CYP2E1: variants seen among roughly 807,000 people sequenced by gnomAD.
CYP2E1 encodes the protein cytochrome P450 family 2 subfamily E member 1.
A neutral mutation model predicts 42.9 loss-of-function variants in CYP2E1; 31 were observed. The ratio of observed to expected loss-of-function variants is 0.72; its 90% CI spans 0.54 to 0.98. The LOEUF is 0.98. CYP2E1 is among the 50% of genes least tolerant of loss of function. The pLI is 0.00. For synonymous variants in CYP2E1, 244 were observed against 248.9 expected, an observed-to-expected ratio of 0.98 and a Z score of 0.19; for missense variants, 565 against 633.2, an observed-to-expected ratio of 0.89 and a Z score of 1.16.
chr10:133,532,215 T>C lies in CYP2E1; in HGVS notation c.579T>C (p.Asp193=). The C allele has an allele frequency of 1.9e-6, 3 of 1,613,478 alleles. No homozygotes were observed. The highest frequency in any genetic ancestry group is 2.5e-6 in the Non-Finnish European group (3 of 1,179,512). ...TCCGCAAGCATTTTGACTACAATGA[T>C]GAGAAGTTTCTAAGGCTGATGTATT... ...ILFRKHFDYN[D]EKFLRLMYLF... Residue 193 remains aspartate (D), a synonymous_variant, in exon 4 of 9, where the codon GAT becomes GAC. Coordinates refer to ENST00000252945, the MANE Select transcript of CYP2E1 (RefSeq NM_000773.4).
Position 133,533,127 on chromosome 10 carries a change from A to G in CYP2E1, c.825+259A>G, listed in dbSNP as rs542208649. Among the ~76,000 whole-genome samples, 12 of 152,220 alleles carry G rather than the reference A, an allele frequency of 7.9e-5. No individual in the cohort carries two copies. The East Asian group carries it at 2.3e-3, about 29-fold the overall frequency. On this transcript the variant is annotated intron_variant, in intron 5 of 8. Transcript: ENST00000252945. ...CAGGCCCTGCTGCTCAACCCTTTCT[A>G]GTCTGCAGACTTTGAGAATTGCATT... is the stretch of plus-strand genomic sequence containing the variant.
intron 3 of CYP2E1, 92 bp downstream of exon 3, chr10:133,531,826 C>A: frequency 7.5e-7 from 1 of 1,324,852 alleles, no homozygotes; most frequent in Non-Finnish European, 1.0e-6. Context: ...ATCTGAACCA[C>A]AGGGACCTAC....
rs1401927585 is a variant in CYP2E1 at position 133,528,298 on chromosome 10, CA to C, written c.178-182del. The C allele has an allele frequency of 7.7e-6, 5 of 650,814 alleles. 1 individual carries two copies. In the East Asian group the frequency reaches 1.4e-4, roughly 18 times the overall value. 40.3% of individuals were successfully genotyped at this position (650,814 alleles called of 1,614,324 possible). ...CAGCTGGAACCCCCCGAGCGCCCTG[CA>C]GACGCAGCAGCCTCTTGAGGGGAGG... On this transcript the variant is annotated intron_variant, in intron 1 of 8. Coordinates refer to ENST00000252945, the MANE Select transcript of CYP2E1 (RefSeq NM_000773.4).
chr10:133,528,582 C>A lies in CYP2E1; in HGVS notation c.279C>A (p.Tyr93Ter). The A allele has an allele frequency of 6.2e-7, 1 of 1,613,558 alleles. No individual in the cohort carries two copies. The change falls in exon 2 of 9, where the codon TAC (tyrosine) becomes TAA (stop). Residue 93 changes from tyrosine to a stop codon, truncating the protein, a stop_gained. Transcript: ENST00000252945. LOFTEE classifies it high-confidence loss of function. ...CGGTGAAGGAAGCGCTGCTGGACTA[C>A]AAGGACGAGTTCTCGGGCAGAGGCG... is the stretch of plus-strand genomic sequence containing the variant. ...YKAVKEALLD[Y>*]KDEFSGRGDL...
chr10:133,533,833 A>C lies in CYP2E1; in HGVS notation c.903A>C (p.Thr301=). 1 of 1,614,174 alleles carries C rather than the reference A, an allele frequency of 6.2e-7. No homozygotes were observed. Among genetic ancestry groups the C allele is most frequent in the Non-Finnish European group, 8.5e-7 (1 of 1,179,990 alleles). Residue 301 remains threonine (T), a synonymous_variant, in exon 6 of 9, where the codon ACA becomes ACC. Transcript: ENST00000252945. Reference sequence around the variant, plus strand: ...TGGCCGACCTGTTCTTTGCGGGGACAGAGACCACCAGCACAACTCTGAGAT... The same window carrying C: ...TGGCCGACCTGTTCTTTGCGGGGACCGAGACCACCAGCACAACTCTGAGAT... ...VTVADLFFAG[T]ETTSTTLRYG... is the part of the protein sequence containing the mutation.
At chr10:133,531,459 C>G in intron 2 of CYP2E1, 126 bp from the exon 3 acceptor site, 7 of 1,128,976 alleles carry the variant, frequency 6.2e-6, no homozygotes, top group Non-Finnish European at 7.9e-6. Flanking sequence ...TCTCTCTGTC[C>G]CTCTGCCCCC....
chr10:133,535,773 C>T (rs1851387827), intron 6 of CYP2E1, among the ~76,000 whole-genome samples: 1 of 152,190 alleles, frequency 6.6e-6, no homozygotes, highest in South Asian at 2.1e-4. Context: ...CAAAGTCTAC[C>T]TCCTCACATC....
At chr10:133,538,652 G>C (rs1427531129) in intron 8 of CYP2E1, 128 bp from the exon 9 acceptor site, 3 of 763,720 alleles carry the variant, frequency 3.9e-6, no homozygotes, top group African/African-American at 1.7e-5. Context: ...GCAGAGAAGG[G>C]TGAGTCCTGC....
intron 2 of CYP2E1, among the ~76,000 whole-genome samples, chr10:133,530,818 G>A (rs1014752294): frequency 2.0e-5 from 3 of 152,166 alleles, no homozygotes; most frequent in Non-Finnish European, 4.4e-5. Context: ...GGGGAACAGG[G>A]ATCATTTCAA....
chr10:133,528,702 C>A (rs1022865569), intron 2 of CYP2E1, 62 bp downstream of exon 2: 3 of 1,581,786 alleles, frequency 1.9e-6, no homozygotes, highest in Admixed American at 3.5e-5. Flanking sequence ...CAGTTACGGG[C>A]GCTAGCCACG....
At chr10:133,532,459 C>T (rs1044354688) in intron 4 of CYP2E1, among the ~76,000 whole-genome samples, 175 bp downstream of exon 4, 1 of 152,102 alleles carries the variant, frequency 6.6e-6, no homozygotes, top group African/African-American at 2.4e-5. Flanking sequence ...TGGGGCCCCA[C>T]GCACCCCCTT....
intron 1 of CYP2E1, chr10:133,527,936 G>A (rs1378313311): frequency 2.2e-5 from 6 of 270,802 alleles, no homozygotes; most frequent in Non-Finnish European, 3.5e-5. Context: ...TGTTGGGCCA[G>A]CCCGTGTGGC....
intron 1 of CYP2E1, 144 bp downstream of exon 1, chr10:133,527,716 C>T: frequency 1.4e-6 from 1 of 691,580 alleles, no homozygotes; most frequent in Non-Finnish European, 2.4e-6. Context: ...CCTGGAGCGA[C>T]ACTCAAAATG....
Position 133,538,975 on chromosome 10 carries a change from G to A in CYP2E1, c.*11G>A. On this transcript the variant is annotated 3_prime_UTR_variant, in exon 9 of 9. Coordinates refer to ENST00000252945, the MANE Select transcript of CYP2E1 (RefSeq NM_000773.4). The stretch of plus-strand genomic sequence containing the variant: ...ATTCCCCGCTCATGAGTGTGTGGAG[G>A]ACACCCTGAACCCCCCGCTTTCAAA... 2.5e-6 allele frequency: 4 copies of A among 1,590,704 alleles called. No homozygotes were observed. The highest frequency in any genetic ancestry group is 3.4e-6 in the Non-Finnish European group (4 of 1,166,524).
chr10:133,531,588 T>TA lies in CYP2E1; in HGVS notation c.341_342insA (p.Ile115HisfsTer3). ...TCTGCTGGCCCCTCTGCCTTAGGAA[T>TA]CATTTTTAATAATGGACCTACCTGG... On this transcript the variant is annotated frameshift_variant, in exon 3 of 9. Transcript: ENST00000252945. LOFTEE classifies it high-confidence loss of function. 1 of 1,614,090 alleles carries TA rather than the reference T, an allele frequency of 6.2e-7. No individual in the cohort carries two copies. Among genetic ancestry groups the TA allele is most frequent in the Non-Finnish European group, 8.5e-7 (1 of 1,180,020 alleles).
intron 2 of CYP2E1, 53 bp from the exon 3 acceptor site, chr10:133,531,532 T>C: frequency 1.2e-6 from 2 of 1,606,856 alleles, no homozygotes; most frequent in South Asian, 2.2e-5. Context: ...TGTAGCCCAT[T>C]TCTCCCCAAA....
intron 5 of CYP2E1, among the ~76,000 whole-genome samples, 160 bp downstream of exon 5, chr10:133,533,028 C>T (rs1277726588): frequency 2.6e-5 from 4 of 152,226 alleles, no homozygotes; most frequent in Non-Finnish European, 2.9e-5. Context: ...GACCACTGGA[C>T]GCAAGTCAGC....
chr10:133,530,037 G>T (rs974959136), intron 2 of CYP2E1, among the ~76,000 whole-genome samples: 1 of 152,138 alleles, frequency 6.6e-6, no homozygotes, highest in African/African-American at 2.4e-5. Context: ...GAGGCAGCAG[G>T]GAGGGGAGCG....
chr10:133,533,429 C>T (rs954174827), intron 5 of CYP2E1, among the ~76,000 whole-genome samples: 6 of 152,216 alleles, frequency 3.9e-5, no homozygotes, highest in Non-Finnish European at 8.8e-5. Flanking sequence ...CAGACACTAG[C>T]CCTGTAGCAG....
Sources: allele counts gnomAD v4.1 joint callset (sites outside exome capture counted in the v4.1 genomes callset), GRCh38; gene constraint gnomAD v4.1.1; transcripts MANE v1.5; gene names NCBI Gene and HGNC (gene_info 2026-07-23, HGNC 2026-07-21).